Variants in SYDE2 observed in about 807,000 individuals in gnomAD.
SYDE2 encodes the protein synapse defective Rho GTPase homolog 2, also known as rho GTPase-activating protein SYDE2.
In SYDE2, 76 loss-of-function variants were observed where a neutral mutation model predicts 91.5. The observed-to-expected ratio is 0.83, with a 90% CI of 0.69 to 1.01. SYDE2 has a LOEUF of 1.01. Ranked by LOEUF, SYDE2 falls within the 50% of genes least tolerant of loss-of-function variation. SYDE2 has a pLI of 0.00. For missense variants in SYDE2, 1,364 were observed against 1,367.7 expected, an observed-to-expected ratio of 1.00 and a Z score of 0.04; for synonymous variants, 513 against 506.4, an observed-to-expected ratio of 1.01 and a Z score of -0.18.
intron 1 of SYDE2, among the ~76,000 whole-genome samples, chr1:85,191,738 A>G (rs2100688827): frequency 6.7e-6 from 1 of 150,302 alleles, no homozygotes; most frequent in East Asian, 2.0e-4. Context: ...AGCCTGGGTA[A>G]CAGAGCGAGA....
chr1:85,190,775 G>A, intron 1 of SYDE2, 23 bp from the exon 2 acceptor site: 1 of 1,547,456 alleles, frequency 6.5e-7, no homozygotes, highest in Non-Finnish European at 8.7e-7. Flanking sequence ...TAGAATAGAA[G>A]GTAGAATATA....
chr1:85,166,289 A>AGATTGT (rs1477858295), intron 5 of SYDE2, among the ~76,000 whole-genome samples: 2 of 151,758 alleles, frequency 1.3e-5, no homozygotes, highest in Non-Finnish European at 2.9e-5. Flanking sequence ...CAGTGAGCCA[A>AGATTGT]GATTGTGCCA....
intron 6 of SYDE2, chr1:85,159,850 A>C: frequency 1.0e-6 from 1 of 982,550 alleles, no homozygotes; most frequent in Non-Finnish European, 1.2e-6. Flanking sequence ...AGCATTATCT[A>C]CTATCTTCAT....
intron 6 of SYDE2, among the ~76,000 whole-genome samples, chr1:85,161,704 C>T (rs1286427373): frequency 2.9e-5 from 4 of 136,884 alleles, no homozygotes; most frequent in Admixed American, 2.4e-4. Flanking sequence ...CCAACCTGGG[C>T]GACACAGTGA....
chr1:85,190,492 CTT>C lies in SYDE2; in HGVS notation c.1004_1005del (p.Lys335ArgfsTer9). 6.2e-7 allele frequency: 1 copy of C among 1,613,966 alleles called. No homozygotes were observed. Among genetic ancestry groups the C allele is most frequent in the Admixed American group, 1.7e-5 (1 of 60,020 alleles). On this transcript the variant is annotated frameshift_variant, in exon 2 of 7. Transcript: ENST00000341460. LOFTEE classifies it high-confidence loss of function. ...QLSQSFLKSS[K>X]EYCTYVVCNA... ...TTACATACCACATATGTACAGTACT[CTT>C]TAGATGATTTGAGGAAAGACTGTGA...
At chr1:85,162,850 G>A (rs1161106372) in intron 6 of SYDE2, among the ~76,000 whole-genome samples, 1 of 152,118 alleles carries the variant, frequency 6.6e-6, no homozygotes, top group Non-Finnish European at 1.5e-5. Flanking sequence ...GTAATGACAA[G>A]ATGGCTTTCT....
chr1:85,167,422 G>A (rs148384436), intron 5 of SYDE2, among the ~76,000 whole-genome samples: 1 of 152,246 alleles, frequency 6.6e-6, no homozygotes, highest in East Asian at 1.9e-4. Flanking sequence ...AAATTATGTT[G>A]TCAAATCCAC....
intron 3 of SYDE2, among the ~76,000 whole-genome samples, chr1:85,178,483 A>G (rs1431826493): frequency 1.3e-5 from 2 of 152,160 alleles, no homozygotes; most frequent in Non-Finnish European, 2.9e-5. Context: ...ACAATACACT[A>G]TCAGTTCGGT....
intron 4 of SYDE2, among the ~76,000 whole-genome samples, chr1:85,174,464 G>A (rs1657616520): frequency 6.6e-6 from 1 of 152,088 alleles, no homozygotes; most frequent in African/African-American, 2.4e-5. Context: ...AAGCATTTAG[G>A]ACCTATGAAT....
Position 85,182,149 on chromosome 1 carries a change from C to T in SYDE2, c.2493G>A (p.Val831=), listed in dbSNP as rs780271238. The T allele has an allele frequency of 3.1e-6, 5 of 1,603,268 alleles. No individual in the cohort carries two copies. Among genetic ancestry groups the T allele is most frequent in the Non-Finnish European group, 4.3e-6 (5 of 1,174,804 alleles). Residue 831 remains valine, a synonymous_variant, in exon 3 of 7, where the codon GTG becomes GTA. Coordinates refer to ENST00000341460, the MANE Select transcript of SYDE2 (RefSeq NM_032184.2). Reference sequence around the variant, plus strand: ...TAATACATTTCTGTATCAGAAGGGGCACCATCAGTCCTATATTTTCTTTCT... The same window carrying T: ...TAATACATTTCTGTATCAGAAGGGGTACCATCAGTCCTATATTTTCTTTCT... ...VVEKENIGLM[V]PLLIQKCIME...
In SYDE2 at chr1:85,158,669, A is replaced by C. The variant is rs1168318887; in HGVS notation, c.*81T>G. 1.2e-5 allele frequency: 7 copies of C among 583,980 alleles called. No individual in the cohort carries two copies. The highest frequency in any genetic ancestry group is 1.8e-5 in the Non-Finnish European group (6 of 327,434). 36.2% of individuals were successfully genotyped at this position (583,980 alleles called of 1,614,324 possible). On this transcript the variant is annotated 3_prime_UTR_variant, in exon 7 of 7. Transcript: ENST00000341460. ...AAGATTTCAAGAGTAAAAAAATGAAAACATCGCTGTGGGTGGTATAAGAAA... is the reference window on the plus strand; with the variant it reads ...AAGATTTCAAGAGTAAAAAAATGAACACATCGCTGTGGGTGGTATAAGAAA...
At chr1:85,160,663 C>G in intron 6 of SYDE2, 1 of 985,396 alleles carries the variant, frequency 1.0e-6, no homozygotes, top group Middle Eastern at 5.2e-4. Flanking sequence ...CTTTTCCCCC[C>G]TCATTCTTTG....
At chr1:85,153,481 C>G (rs1656817464), downstream of SYDE2, 1 of 152,138 alleles carries the variant, frequency 6.6e-6, no homozygotes. Flanking sequence ...ACTGTTTTGC[C>G]TGCTCGGCAT....
Position 85,182,790 on chromosome 1 carries a change from C to G in SYDE2, c.1852G>C (p.Gly618Arg). 1.2e-6 allele frequency: 2 copies of G among 1,613,884 alleles called. No individual in the cohort carries two copies. The highest frequency in any genetic ancestry group is 1.7e-6 in the Non-Finnish European group (2 of 1,179,844). Residue 618 changes from glycine (G) to arginine (R), a missense_variant, in exon 3 of 7, where the codon GGT (glycine) becomes CGT (arginine). Gly to Arg is a moderately radical substitution (Grantham distance 125). Coordinates refer to ENST00000341460, the MANE Select transcript of SYDE2 (RefSeq NM_032184.2). ...GAGTCTCCATCACTAAGGTAACCAC[C>G]TTTGCAGGAATACTTAGAACTCATA... Reference protein sequence around the residue: ...NSMSSKYSCKGGYLSDGDSPE... With the variant: ...NSMSSKYSCKRGYLSDGDSPE...
chr1:85,182,753 G>A lies in SYDE2; in HGVS notation c.1889C>T (p.Thr630Ile). The change falls in exon 3 of 7, where the codon ACA (threonine) becomes ATA (isoleucine). Residue 630 changes from threonine to isoleucine, a missense_variant. Transcript: ENST00000341460. ...AGATCCATGTTTGCTAGCTTTAGTT[G>A]TAAGTTCAGGTGAGTCTCCATCACT... is the stretch of plus-strand genomic sequence containing the variant. ...YLSDGDSPEL[T>I]TKASKHGSEN... The A allele has an allele frequency of 6.2e-7, 1 of 1,613,840 alleles. No individual in the cohort carries two copies. Among genetic ancestry groups the A allele is most frequent in the South Asian group, 1.1e-5 (1 of 91,076 alleles).
chr1:85,187,727 G>A (rs1312937132), intron 2 of SYDE2, among the ~76,000 whole-genome samples: 1 of 151,886 alleles, frequency 6.6e-6, no homozygotes, highest in Non-Finnish European at 1.5e-5. Context: ...GGACATGGAT[G>A]AAATTGGAAA....
rs1415160799 is a variant in SYDE2 at position 85,200,979 on chromosome 1, A to G, written c.18T>C (p.Pro6=). Residue 6 remains proline, a synonymous_variant, in exon 1 of 7, where the codon CCT becomes CCC. Transcript: ENST00000341460. ...TGCCGCCCCGCCGCGCGCCCGAGTC[A>G]GGGGGCAGGTCGTGCATGGCCTGGA... MHDLP[P]DSGARRGGRG... is the part of the protein sequence containing the mutation. 2 of 1,302,666 alleles carry G rather than the reference A, an allele frequency of 1.5e-6. No homozygotes were observed. Among genetic ancestry groups the G allele is most frequent in the Non-Finnish European group, 1.9e-6 (2 of 1,034,414 alleles). The allele number at this position is 1,302,666 out of a possible 1,614,324, so 80.7% of individuals were successfully genotyped here.
intron 4 of SYDE2, among the ~76,000 whole-genome samples, chr1:85,173,235 AAC>A (rs1657565619): frequency 1.3e-5 from 2 of 152,162 alleles, no homozygotes; most frequent in Admixed American, 6.5e-5. Context: ...GATATGAAGA[AAC>A]ACAGGGAGAA....
chr1:85,164,120 T>G (rs747107551), intron 6 of SYDE2, among the ~76,000 whole-genome samples: 1 of 152,206 alleles, frequency 6.6e-6, no homozygotes, highest in Non-Finnish European at 1.5e-5. Context: ...GAGTCTCTAT[T>G]ACATGTCAAG....
Sources: allele counts gnomAD v4.1 joint callset (sites outside exome capture counted in the v4.1 genomes callset), GRCh38; gene constraint gnomAD v4.1.1; transcripts MANE v1.5; gene names NCBI Gene and HGNC (gene_info 2026-07-23, HGNC 2026-07-21).